The following NTM variants were observed in gnomAD, a reference collection of about 807,000 sequenced individuals.
NTM encodes the protein neurotrimin, also known as IgLON family member 2.
NTM carries 13 observed loss-of-function variants against 42.1 expected under a neutral mutation model. The observed-to-expected ratio is 0.31, with a 90% CI of 0.20 to 0.49. NTM has a LOEUF of 0.49. Among genes scored for constraint, NTM ranks in the 20% least tolerant of loss-of-function variants. The pLI, the probability that NTM is intolerant of heterozygous loss-of-function variation, is 0.99. For missense variants in NTM, 373 were observed against 452.8 expected (o/e 0.82, Z 1.60); for synonymous variants, 187 against 179.2 (o/e 1.04, Z -0.35).
At chr11:131,476,587 G>A (rs1485235543) in intron 1 of NTM, among the ~76,000 whole-genome samples, 1 of 152,160 alleles carries the variant, frequency 6.6e-6, no homozygotes, top group African/African-American at 2.4e-5. Flanking sequence ...TGTGATGAGA[G>A]GGGTTTATGT....
intron 1 of NTM, among the ~76,000 whole-genome samples, chr11:131,437,917 G>T (rs1429061215): frequency 1.3e-5 from 2 of 152,164 alleles, no homozygotes; most frequent in African/African-American, 4.8e-5. Flanking sequence ...GCAGTGGCTG[G>T]TACCAGTTTT....
chr11:131,587,820 C>T (rs2059008506), intron 1 of NTM, among the ~76,000 whole-genome samples: 1 of 152,054 alleles, frequency 6.6e-6, no homozygotes, highest in Non-Finnish European at 1.5e-5. Context: ...CAGTAGTTGA[C>T]AGCATGAAAG....
chr11:132,137,840 G>A (rs957372268), intron 2 of NTM, among the ~76,000 whole-genome samples: 1 of 152,200 alleles, frequency 6.6e-6, no homozygotes, highest in Non-Finnish European at 1.5e-5. Flanking sequence ...AGGGCAGGGA[G>A]CCTGTCCACG....
At chr11:131,638,863 TG>T (rs1477371784) in intron 1 of NTM, among the ~76,000 whole-genome samples, 1 of 150,606 alleles carries the variant, frequency 6.6e-6, no homozygotes, top group African/African-American at 2.5e-5. Context: ...GTACACCATA[TG>T]AAAAAAAAAA....
chr11:131,379,399 A>G (rs537446560), intron 1 of NTM, among the ~76,000 whole-genome samples: 4 of 152,262 alleles, frequency 2.6e-5, no homozygotes, highest in East Asian at 1.9e-4. Flanking sequence ...ATCCAGCCAC[A>G]TGTCCTATAT....
At chr11:132,219,808 G>A (rs1296838341) in intron 4 of NTM, among the ~76,000 whole-genome samples, 1 of 152,118 alleles carries the variant, frequency 6.6e-6, no homozygotes, top group Non-Finnish European at 1.5e-5. Flanking sequence ...CAGACCTTCA[G>A]CCAGCCCCCT....
chr11:132,304,283 A>G (rs1433369181), intron 4 of NTM, among the ~76,000 whole-genome samples: 9 of 152,160 alleles, frequency 5.9e-5, no homozygotes, highest in Non-Finnish European at 1.5e-5. Flanking sequence ...AGAAAGAAAA[A>G]GCAGACTTAT....
chr11:131,693,089 G>A (rs2074987437), intron 1 of NTM, among the ~76,000 whole-genome samples: 1 of 152,176 alleles, frequency 6.6e-6, no homozygotes, highest in South Asian at 2.1e-4. Flanking sequence ...GGGAGGGTTG[G>A]GACTGGGAGT....
chr11:132,261,388 T>C (rs1471632707), intron 4 of NTM, among the ~76,000 whole-genome samples: 1 of 152,086 alleles, frequency 6.6e-6, no homozygotes, highest in Non-Finnish European at 1.5e-5. Context: ...CAGTTATGAG[T>C]GCACCTGGGG....
chr11:131,640,457 C>G (rs1391952847), intron 1 of NTM, among the ~76,000 whole-genome samples: 1 of 152,212 alleles, frequency 6.6e-6, no homozygotes, highest in Non-Finnish European at 1.5e-5. Flanking sequence ...AGGCTCTCAT[C>G]AGCCGTATTT....
chr11:132,122,226 G>A (rs530735131), intron 2 of NTM, among the ~76,000 whole-genome samples: 1 of 152,312 alleles, frequency 6.6e-6, no homozygotes, highest in Non-Finnish European at 1.5e-5. Context: ...CTGCCAAAGT[G>A]ATCTCTGCCT....
At chr11:131,424,521 T>C (rs1947853637) in intron 1 of NTM, among the ~76,000 whole-genome samples, 1 of 151,878 alleles carries the variant, frequency 6.6e-6, no homozygotes, top group South Asian at 2.1e-4. Context: ...TGAAGCAGCA[T>C]GTTTATCTCA....
In NTM at chr11:131,832,231, C is replaced by T. The variant is rs2042914740; in HGVS notation, c.83-79333C>T. 2.0e-5 allele frequency among the ~76,000 whole-genome samples: 3 copies of T among 151,292 alleles called. No homozygotes were observed. In the South Asian group the frequency reaches 6.2e-4, roughly 31 times the overall value. On this transcript the variant is annotated intron_variant, in intron 1 of 8. Transcript: ENST00000683400. ...GAGTTCATATGTATGCGTGATGCTTCCTCTTCTCACTCATGGGTTCAGAGT... is the reference window on the plus strand; with the variant it reads ...GAGTTCATATGTATGCGTGATGCTTTCTCTTCTCACTCATGGGTTCAGAGT...
intron 2 of NTM, among the ~76,000 whole-genome samples, chr11:131,916,378 G>A (rs2056362953): frequency 6.6e-6 from 1 of 152,224 alleles, no homozygotes; most frequent in African/African-American, 2.4e-5. Context: ...CTTTCCTGGG[G>A]ATCACTTGGC....
At chr11:132,330,634 G>A (rs999546486) in intron 8 of NTM, among the ~76,000 whole-genome samples, 1 of 152,174 alleles carries the variant, frequency 6.6e-6, no homozygotes, top group East Asian at 1.9e-4. Context: ...GGAAGGGGGA[G>A]GTTCTTGGGT....
At chr11:131,972,265 C>T (rs1447558296) in intron 2 of NTM, among the ~76,000 whole-genome samples, 1 of 151,892 alleles carries the variant, frequency 6.6e-6, no homozygotes, top group Non-Finnish European at 1.5e-5. Flanking sequence ...TTACCTTCTT[C>T]ATAGGGATTT....
chr11:132,176,848 C>T (rs2076904853), intron 3 of NTM, among the ~76,000 whole-genome samples: 1 of 150,836 alleles, frequency 6.6e-6, no homozygotes, highest in Non-Finnish European at 1.5e-5. Context: ...CTTGCCTCAG[C>T]CTCCCAAGTA....
chr11:131,821,102 T>A (rs2093169128), intron 1 of NTM, among the ~76,000 whole-genome samples: 1 of 151,924 alleles, frequency 6.6e-6, no homozygotes, highest in African/African-American at 2.4e-5. Context: ...AGTACAAAGA[T>A]GATTTCTCCC....
intron 1 of NTM, among the ~76,000 whole-genome samples, chr11:131,751,493 G>A (rs1443078145): frequency 1.3e-5 from 2 of 152,110 alleles, no homozygotes; most frequent in Non-Finnish European, 2.9e-5. Context: ...GGGAGGCTGA[G>A]GCAGGAGAAT....
Sources: allele counts gnomAD v4.1 joint callset (sites outside exome capture counted in the v4.1 genomes callset), GRCh38; gene constraint gnomAD v4.1.1; transcripts MANE v1.5; gene names NCBI Gene and HGNC (gene_info 2026-07-23, HGNC 2026-07-21).